Variants in ADGRB3 observed in about 807,000 individuals in gnomAD.
ADGRB3 encodes brain-specific angiogenesis inhibitor 3.
Under a neutral mutation model 193.4 loss-of-function variants are expected in ADGRB3, and 37 were observed. That is an observed-to-expected ratio of 0.19 (90% CI 0.15 to 0.25). The LOEUF is 0.25. ADGRB3 is among the 10% of genes least tolerant of loss of function. The pLI is 1.00. For synonymous variants in ADGRB3, 690 were observed against 644.2 expected (o/e 1.07, Z -1.08); for missense variants, 1,637 against 1,852.9 (o/e 0.88, Z 2.14).
At chr6:68,748,676 C>T (rs1766132304) in intron 3 of ADGRB3, among the ~76,000 whole-genome samples, 2 of 152,096 alleles carry the variant, frequency 1.3e-5, no homozygotes, top group South Asian at 4.1e-4. Context: ...GTGGATCTAC[C>T]ATTCTGGACC....
At chr6:68,755,673 G>T (rs1017568781) in intron 3 of ADGRB3, among the ~76,000 whole-genome samples, 2 of 152,148 alleles carry the variant, frequency 1.3e-5, no homozygotes, top group Non-Finnish European at 2.9e-5. Context: ...TTCTGTATTT[G>T]AAGGAAGCAG....
chr6:69,296,708 T>C (rs1260004603), intron 20 of ADGRB3, among the ~76,000 whole-genome samples: 3 of 152,130 alleles, frequency 2.0e-5, no homozygotes, highest in Non-Finnish European at 4.4e-5. Flanking sequence ...ATATATTCCT[T>C]TGAATTATGT....
At chr6:68,881,219 A>ATATT (rs1237235315) in intron 3 of ADGRB3, among the ~76,000 whole-genome samples, 16 of 151,994 alleles carry the variant, frequency 1.1e-4, no homozygotes, top group African/African-American at 3.9e-4. Context: ...GATATTTTAC[A>ATATT]TATTTAGCAT....
chr6:69,193,385 C>A (rs932364278), intron 17 of ADGRB3, among the ~76,000 whole-genome samples: 1 of 152,110 alleles, frequency 6.6e-6, no homozygotes, highest in Non-Finnish European at 1.5e-5. Flanking sequence ...CACTTGTTGT[C>A]TTGATGACAA....
At position 68,969,086 on chromosome 6, in the gene ADGRB3, A is replaced by G. The variant is rs188265462; in HGVS notation, c.1526-5677A>G. Among the ~76,000 whole-genome samples, 294 of 152,118 alleles carry G rather than the reference A, an allele frequency of 1.9e-3. 1 individual carries two copies. Among genetic ancestry groups the G allele is most frequent in the African/African-American group, 6.9e-3 (285 of 41,508 alleles). On this transcript the variant is annotated intron_variant, in intron 8 of 31. Transcript: ENST00000370598. ...GTTTTGAACACATACTGTATACTAGATACCACTGTAGTTCATTACAACAGA... is the reference window on the plus strand; with the variant it reads ...GTTTTGAACACATACTGTATACTAGGTACCACTGTAGTTCATTACAACAGA...
chr6:69,159,554 A>G (rs1179798800), intron 17 of ADGRB3, among the ~76,000 whole-genome samples: 1 of 152,122 alleles, frequency 6.6e-6, no homozygotes, highest in African/African-American at 2.4e-5. Flanking sequence ...CAGACAAACC[A>G]GGTCTAGCTG....
At chr6:69,388,296 G>A (rs1444369349) in intron 31 of ADGRB3, among the ~76,000 whole-genome samples, 6 of 151,998 alleles carry the variant, frequency 3.9e-5, no homozygotes, top group Admixed American at 6.6e-5. Flanking sequence ...TGCCCCATAA[G>A]ACATTCTCAA....
At chr6:68,738,275 G>T (rs1280418749) in intron 3 of ADGRB3, among the ~76,000 whole-genome samples, 2 of 152,174 alleles carry the variant, frequency 1.3e-5, no homozygotes, top group African/African-American at 4.8e-5. Flanking sequence ...GGTGAGGAGA[G>T]AGAGAGCACT....
intron 13 of ADGRB3, among the ~76,000 whole-genome samples, chr6:69,020,584 T>A (rs1770235110): frequency 6.6e-6 from 1 of 152,044 alleles, no homozygotes; most frequent in African/African-American, 2.4e-5. Context: ...ATGCTGCAAA[T>A]AAAGTCAATA....
At chr6:69,188,531 A>G (rs896254531) in intron 17 of ADGRB3, among the ~76,000 whole-genome samples, 4 of 151,962 alleles carry the variant, frequency 2.6e-5, no homozygotes, top group Admixed American at 2.6e-4. Context: ...CTGGTCGTGA[A>G]CTCCTGACCT....
chr6:69,330,144 T>G (rs1295061211), intron 22 of ADGRB3, among the ~76,000 whole-genome samples: 1 of 152,114 alleles, frequency 6.6e-6, no homozygotes, highest in Non-Finnish European at 1.5e-5. Flanking sequence ...AAAGTACATT[T>G]GAAAAAATCC....
At chr6:69,227,473 T>C (rs903029506) in intron 17 of ADGRB3, among the ~76,000 whole-genome samples, 3 of 152,124 alleles carry the variant, frequency 2.0e-5, no homozygotes, top group Admixed American at 6.5e-5. Flanking sequence ...GAAGTTAAAC[T>C]TGAGGGTAAA....
intron 3 of ADGRB3, among the ~76,000 whole-genome samples, chr6:68,725,825 G>C (rs1765663372): frequency 6.6e-6 from 1 of 151,516 alleles, no homozygotes; most frequent in Non-Finnish European, 1.5e-5. Context: ...ATTGACAGAT[G>C]TTTAAAGGAG....
At chr6:69,100,052 T>A (rs12527754) in intron 17 of ADGRB3, among the ~76,000 whole-genome samples, 9,379 of 152,310 alleles carry the variant, frequency 0.062, 361 homozygotes, top group South Asian at 0.11. Context: ...ATCAGTCATT[T>A]ACACTTAAAC....
intron 13 of ADGRB3, among the ~76,000 whole-genome samples, chr6:69,026,383 G>A (rs1770433582): frequency 6.6e-6 from 1 of 152,136 alleles, no homozygotes; most frequent in South Asian, 2.1e-4. Flanking sequence ...ACTTCAGACA[G>A]AAGAAACAAT....
At chr6:68,699,308 A>G (rs1290973820) in intron 3 of ADGRB3, among the ~76,000 whole-genome samples, 10 of 152,146 alleles carry the variant, frequency 6.6e-5, no homozygotes, top group Non-Finnish European at 1.3e-4. Context: ...AAATGAGGCA[A>G]TTCTAAAGAG....
chr6:68,845,027 G>A (rs1257463582), intron 3 of ADGRB3, among the ~76,000 whole-genome samples: 1 of 152,084 alleles, frequency 6.6e-6, no homozygotes, highest in African/African-American at 2.4e-5. Context: ...CAAAAAAATA[G>A]AAATAATGGA....
At chr6:68,991,182 C>T (rs181811516) in intron 10 of ADGRB3, among the ~76,000 whole-genome samples, 1 of 152,200 alleles carries the variant, frequency 6.6e-6, no homozygotes, top group South Asian at 2.1e-4. Flanking sequence ...TAAGTTACAT[C>T]TTTCAAGTGT....
chr6:68,892,142 A>C (rs1202526562), intron 3 of ADGRB3, among the ~76,000 whole-genome samples: 2 of 152,158 alleles, frequency 1.3e-5, no homozygotes, highest in Non-Finnish European at 2.9e-5. Flanking sequence ...ATTTTAAAAC[A>C]CCTTTGTCTC....
Sources: allele counts gnomAD v4.1 joint callset (sites outside exome capture counted in the v4.1 genomes callset), GRCh38; gene constraint gnomAD v4.1.1; transcripts MANE v1.5; gene names NCBI Gene and HGNC (gene_info 2026-07-23, HGNC 2026-07-21).